IK: variants seen among roughly 807,000 people sequenced by gnomAD.
IK encodes the protein protein Red.
A neutral mutation model predicts 90.9 loss-of-function variants in IK; 47 were observed. That is an observed-to-expected ratio of 0.52 (90% CI 0.41 to 0.66). The LOEUF is 0.66. Ranked by LOEUF, IK falls within the 30% of genes least tolerant of loss-of-function variation. The pLI, the probability that IK is intolerant of heterozygous loss-of-function variation, is 0.00. For missense variants in IK, 385 were observed against 709.3 expected, an observed-to-expected ratio of 0.54 and a Z score of 5.19; for synonymous variants, 201 against 227.5, an observed-to-expected ratio of 0.88 and a Z score of 1.05.
intron 16 of IK, 141 bp downstream of exon 16, chr5:140,660,956 G>A: frequency 1.6e-6 from 1 of 639,374 alleles, no homozygotes; most frequent in Non-Finnish European, 2.8e-6. Context: ...CAGCAGCATT[G>A]AGGGTCATGA....
chr5:140,648,042 G>GTGTGTGTGTGTGTGTGTA (rs879137324), intron 1 of IK, 118 bp downstream of exon 1: 10 of 471,508 alleles, frequency 2.1e-5, no homozygotes, highest in East Asian at 5.4e-5. Flanking sequence ...GTGTGTGTGT[G>GTGTGTGTGTGTGTGTGTA]TGTATGTATG....
At chr5:140,659,935 C>A in intron 14 of IK, 101 bp downstream of exon 14, 1 of 975,894 alleles carries the variant, frequency 1.0e-6, no homozygotes, top group Non-Finnish European at 1.6e-6. Context: ...CCTCTCCTTC[C>A]CTTTTACGCT....
intron 15 of IK, 131 bp from the exon 16 acceptor site, chr5:140,660,622 ACTATT>A: frequency 1.6e-6 from 1 of 640,718 alleles, no homozygotes; most frequent in South Asian, 2.1e-5. Context: ...ACTTGGATGA[ACTATT>A]TTATTAGGCT....
At chr5:140,659,367 T>C (rs1160892690) in intron 13 of IK, 34 bp downstream of exon 13, 9 of 1,613,124 alleles carry the variant, frequency 5.6e-6, no homozygotes, top group Non-Finnish European at 7.6e-6. Flanking sequence ...ACAGTTGCTC[T>C]AGCAGTCCTG....
At chr5:140,660,861 TG>T in intron 16 of IK, 46 bp downstream of exon 16, 1 of 1,419,188 alleles carries the variant, frequency 7.0e-7, no homozygotes, top group Non-Finnish European at 1.0e-6. Flanking sequence ...AGTTATTATT[TG>T]TTTTACATGT....
intron 15 of IK, 97 bp downstream of exon 15, chr5:140,660,292 CTTTTTTTTTTTT>C (rs200714869): frequency 1.1e-5 from 3 of 280,890 alleles, no homozygotes; most frequent in South Asian, 2.8e-5. Flanking sequence ...AGGGCTACTT[CTTTTTTTTTTTT>C]TTTTTTTTTT....
At chr5:140,659,437 G>T in intron 13 of IK, 104 bp downstream of exon 13, 1 of 1,261,894 alleles carries the variant, frequency 7.9e-7, no homozygotes. Flanking sequence ...CCTGGTTCTG[G>T]GTTCTTGTAA....
Position 140,662,291 on chromosome 5 carries a change from T to C in IK, c.1647-11T>C. 1 of 1,614,006 alleles carries C rather than the reference T, an allele frequency of 6.2e-7. No individual in the cohort carries two copies. The highest frequency in any genetic ancestry group is 2.2e-5 in the East Asian group (1 of 44,886). On this transcript the variant is annotated splice_polypyrimidine_tract_variant and intron_variant, in intron 19 of 19. Coordinates refer to ENST00000417647, the MANE Select transcript of IK (RefSeq NM_006083.4). ...TGATCTTATACTGACCCATTTCTCC[T>C]TCCATTGCAGGGTTGAAGTCAAAAG...
rs774071371 is a variant in IK, at chr5:140,647,931, C to T, written c.16+7C>T. ...AAAATGCCGGAGCGAGATAGTAAGG[C>T]TCAGGCCATCCGTTATTTCTTCCCC... On this transcript the variant is annotated splice_region_variant and intron_variant, in intron 1 of 19. Transcript: ENST00000417647. 5 of 1,613,850 alleles carry T rather than the reference C, an allele frequency of 3.1e-6. No homozygotes were observed. Among genetic ancestry groups the T allele is most frequent in the African/African-American group, 1.3e-5 (1 of 75,026 alleles).
At position 140,661,827 on chromosome 5, in the gene IK, C is replaced by G; in HGVS notation, c.1503-72C>G. On this transcript the variant is annotated intron_variant, in intron 17 of 19. Transcript: ENST00000417647. This position sits in a 1 kb window ranked among gnomAD's most constrained non-coding sequence, Gnocchi z 4.2. The stretch of plus-strand genomic sequence containing the variant: ...GATGTTCCCCACTAAGTTCTTTGCC[C>G]ACAGGACTCTGGGAAAACCTCGCCA... 6.8e-7 allele frequency: 1 copy of G among 1,460,694 alleles called. No individual in the cohort carries two copies. Among genetic ancestry groups the G allele is most frequent in the Non-Finnish European group, 9.4e-7 (1 of 1,061,734 alleles). 90.5% of individuals were successfully genotyped at this position (1,460,694 alleles called of 1,614,324 possible).
intron 1 of IK, chr5:140,648,230 A>G (rs920643914): frequency 1.3e-5 from 9 of 703,854 alleles, no homozygotes; most frequent in African/African-American, 8.7e-5. Flanking sequence ...TTTATCTTTT[A>G]CGTAGTATTT....
At position 140,659,095 on chromosome 5, in the gene IK, G is replaced by A. The variant is rs1290214910; in HGVS notation, c.1107G>A (p.Glu369=). The A allele has an allele frequency of 1.2e-6, 2 of 1,612,512 alleles. No individual in the cohort carries two copies. Among genetic ancestry groups the A allele is most frequent in the South Asian group, 2.2e-5 (2 of 91,000 alleles). Reference sequence around the variant, plus strand: ...AACGAGATCGGGAACGAGAGCGAGAGCGGGACCGAGAGAGAGAAGAGGAAA... The same window carrying A: ...AACGAGATCGGGAACGAGAGCGAGAACGGGACCGAGAGAGAGAAGAGGAAA... The part of the protein sequence containing the change: ...ERERDRERER[E]RDREREEEKK... Residue 369 remains glutamate, a synonymous_variant, in exon 12 of 20, where the codon GAG becomes GAA. Coordinates refer to ENST00000417647, the MANE Select transcript of IK (RefSeq NM_006083.4).
In IK at chr5:140,657,283, G is replaced by A. The variant is rs373069086; in HGVS notation, c.802-271G>A. On this transcript the variant is annotated intron_variant, in intron 9 of 19. Coordinates refer to ENST00000417647, the MANE Select transcript of IK (RefSeq NM_006083.4). ...TAGTATCTCATTCTTAGGATAAAGAGCAAAATCTTTACCATGACTTTGAGC... is the reference window on the plus strand; with the variant it reads ...TAGTATCTCATTCTTAGGATAAAGAACAAAATCTTTACCATGACTTTGAGC... Among the ~76,000 whole-genome samples the A allele has an allele frequency of 3.6e-4, 55 of 152,254 alleles. 1 individual carries two copies. In the South Asian group the frequency reaches 0.011, roughly 31 times the overall value.
At position 140,661,834 on chromosome 5, in the gene IK, C is replaced by T; in HGVS notation, c.1503-65C>T. 6.7e-7 allele frequency: 1 copy of T among 1,483,966 alleles called. No homozygotes were observed. The highest frequency in any genetic ancestry group is 1.2e-5 in the South Asian group (1 of 83,188). 91.9% of individuals were successfully genotyped at this position (1,483,966 alleles called of 1,614,324 possible). A position where few individuals can be genotyped will look rare whatever the true frequency, so the allele number is the denominator to read the frequency against. ...CCCACTAAGTTCTTTGCCCACAGGA[C>T]TCTGGGAAAACCTCGCCACTGCTAT... On this transcript the variant is annotated intron_variant, in intron 17 of 19. Transcript: ENST00000417647. The surrounding 1 kb of genome is among the most constrained non-coding windows in gnomAD (Gnocchi z 4.2).
At chr5:140,656,672 C>T (rs1009624437) in intron 9 of IK, among the ~76,000 whole-genome samples, 3 of 152,064 alleles carry the variant, frequency 2.0e-5, no homozygotes, top group African/African-American at 7.2e-5. Context: ...TTATGAGGTA[C>T]ATGAGATGTT....
intron 2 of IK, 138 bp downstream of exon 2, chr5:140,648,675 C>A: frequency 1.2e-6 from 1 of 840,462 alleles, no homozygotes; most frequent in Non-Finnish European, 2.0e-6. Context: ...TCTCTGTGAG[C>A]CTTAACTGGA....
At chr5:140,653,907 C>T (rs1028111247) in intron 5 of IK, 31 bp from the exon 6 acceptor site, 18 of 1,382,050 alleles carry the variant, frequency 1.3e-5, no homozygotes, top group Non-Finnish European at 1.8e-5. Context: ...CTGGACAGTA[C>T]TGTTCTTATG....
intron 1 of IK, 123 bp from the exon 2 acceptor site, chr5:140,648,348 A>C: frequency 1.1e-6 from 1 of 878,534 alleles, no homozygotes; most frequent in Non-Finnish European, 1.9e-6. Flanking sequence ...CACTTATTAC[A>C]TTGTGTTGAC....
chr5:140,655,998 T>A lies in IK; in HGVS notation c.801+6T>A. On this transcript the variant is annotated splice_donor_region_variant and intron_variant, in intron 9 of 19. Transcript: ENST00000417647. ...CTGATTGCCCCACCATGGAGGTGAGTGAATGGAATCCTGAGAGCCTATCAT... is the reference window on the plus strand; with the variant it reads ...CTGATTGCCCCACCATGGAGGTGAGAGAATGGAATCCTGAGAGCCTATCAT... 1 of 1,551,610 alleles carries A rather than the reference T, an allele frequency of 6.4e-7. No individual in the cohort carries two copies.
Sources: gnomAD v4.1 joint callset for allele counts (sites outside exome capture counted in the v4.1 genomes callset) on GRCh38, gnomAD v4.1.1 for gene constraint, Gnocchi (gnomAD v3.1) non-coding constraint, MANE v1.5 for transcripts, NCBI Gene and HGNC (gene_info 2026-07-23, HGNC 2026-07-21) for gene names.